The following IFT140 variants were observed in gnomAD, a reference collection of about 807,000 sequenced individuals.
IFT140 encodes intraflagellar transport 140, also known as intraflagellar transport protein 140 homolog.
A neutral mutation model predicts 164.6 loss-of-function variants in IFT140; 133 were observed. The observed-to-expected ratio is 0.81, with a 90% CI of 0.70 to 0.93. The LOEUF is 0.93. Ranked by LOEUF, IFT140 falls within the 40% of genes least tolerant of loss-of-function variation. The pLI is 0.00. For missense variants in IFT140, 2,045 were observed against 1,972.3 expected, an observed-to-expected ratio of 1.04 and a Z score of -0.70; for synonymous variants, 860 against 817.3, an observed-to-expected ratio of 1.05 and a Z score of -0.89.
At chr16:1,602,672 C>T (rs190249206) in intron 3 of IFT140, 81 bp from the exon 4 acceptor site, 9 of 1,305,642 alleles carry the variant, frequency 6.9e-6, no homozygotes, top group South Asian at 3.7e-5. Flanking sequence ...CCGGGCACGG[C>T]GGCTCACTCC....
intron 12 of IFT140, among the ~76,000 whole-genome samples, chr16:1,582,657 A>G (rs2034634441): frequency 6.6e-6 from 1 of 152,222 alleles, no homozygotes; most frequent in Non-Finnish European, 1.5e-5. Context: ...TAATCACACC[A>G]CTTTGGGAGG....
chr16:1,541,795 T>C, intron 19 of IFT140: 1 of 1,180,348 alleles, frequency 8.5e-7, no homozygotes, highest in Non-Finnish European at 1.2e-6. Context: ...CACTGCCCAA[T>C]GGAGGCACAG....
Position 1,556,148 on chromosome 16 carries a change from C to T in IFT140, c.2399+1787G>A, listed in dbSNP as rs140197155. On this transcript the variant is annotated intron_variant, in intron 19 of 30. Transcript: ENST00000426508. ...CAAAAAACCTTCAGCCTATCTTTAG[C>T]GAAATGCTTGGTGGGCTACAAAATT... Among the ~76,000 whole-genome samples the T allele has an allele frequency of 5.2e-3, 792 of 152,308 alleles. 12 individuals are homozygous for T. Among genetic ancestry groups the T allele is most frequent in the African/African-American group, 0.017 (716 of 41,568 alleles).
Position 1,602,584 on chromosome 16 carries a change from C to A in IFT140, c.155G>T (p.Cys52Phe). 6.2e-7 allele frequency: 1 copy of A among 1,611,556 alleles called. No homozygotes were observed. Among genetic ancestry groups the A allele is most frequent in the Non-Finnish European group, 8.5e-7 (1 of 1,180,004 alleles). Residue 52 changes from cysteine to phenylalanine, a missense_variant, in exon 4 of 31, where the codon TGC becomes TTC. Coordinates refer to ENST00000426508, the MANE Select transcript of IFT140 (RefSeq NM_014714.4). ...SVDIYLEQGE[C>F]VPDTHVERPF... Reference sequence around the variant, plus strand: ...CCTCTCGACGTGTGTATCTGGCACGCACTCCCCCTGCATTGGATGAGAGGC... The same window carrying A: ...CCTCTCGACGTGTGTATCTGGCACGAACTCCCCCTGCATTGGATGAGAGGC...
chr16:1,542,574 G>T (rs377734851), intron 19 of IFT140, among the ~76,000 whole-genome samples: 2 of 152,228 alleles, frequency 1.3e-5, no homozygotes, highest in Non-Finnish European at 2.9e-5. Context: ...TGTTATAAAC[G>T]CAGCTTCCTA....
rs1379020470 is a variant in IFT140 at position 1,520,751 on chromosome 16, C to T, written c.3511G>A (p.Ala1171Thr). 2 of 1,609,878 alleles carry T rather than the reference C, an allele frequency of 1.2e-6. No homozygotes were observed. The highest frequency in any genetic ancestry group is 1.6e-4 in the Middle Eastern group (1 of 6,062). ...TCCTTGGCCACGGTCATCTTTTCCG[C>T]CATCTCCTCGGTGATGCTCATGTTC... is the stretch of plus-strand genomic sequence containing the variant. ...GQNMSITEEM[A>T]EKMTVAKDSS... The change falls in exon 27 of 31, where the codon GCG becomes ACG. Residue 1171 changes from alanine (A) to threonine (T), a missense_variant. Transcript: ENST00000426508.
intron 14 of IFT140, among the ~76,000 whole-genome samples, chr16:1,570,721 G>A (rs1404014061): frequency 6.6e-6 from 1 of 152,192 alleles, no homozygotes; most frequent in African/African-American, 2.4e-5. Context: ...AGACTGTTTT[G>A]TTACCTTCTG....
intron 11 of IFT140, 81 bp downstream of exon 11, chr16:1,584,136 G>A: frequency 8.0e-7 from 1 of 1,250,180 alleles, no homozygotes; most frequent in South Asian, 1.3e-5. Flanking sequence ...CTGCCATCTG[G>A]GGCCCTTGCT....
chr16:1,518,302 C>T lies in IFT140; in HGVS notation c.4096G>A (p.Glu1366Lys), dbSNP rs2040423597. 1.2e-6 allele frequency: 2 copies of T among 1,613,994 alleles called. No individual in the cohort carries two copies. Among genetic ancestry groups the T allele is most frequent in the African/African-American group, 2.7e-5 (2 of 74,916 alleles). The change falls in exon 30 of 31, where the codon GAA becomes AAA. Residue 1366 changes from glutamate to lysine, a missense_variant. Transcript: ENST00000426508. ...CGGATGGTGCTGTCCAGGTCTGGTT[C>T]CTCCAGGAGCAGCTCACACTGCTTG... ...SIKQCELLLEEPDLDSTIRIG... is the reference protein window; with the variant it reads ...SIKQCELLLEKPDLDSTIRIG...
intron 13 of IFT140, 30 bp from the exon 14 acceptor site, chr16:1,571,564 T>A (rs749168339): frequency 4.0e-5 from 64 of 1,599,928 alleles, no homozygotes; most frequent in Non-Finnish European, 5.2e-5. Context: ...AATGGATATA[T>A]TTCATGTTAG....
chr16:1,566,201 G>A lies in IFT140; in HGVS notation c.1861C>T (p.Arg621Trp), dbSNP rs146480546. ...TCATTAAAGGACAGCGTCTCTCTCC[G>A]ATCAATTTGTCCAGTCTTGAAGTCA... is the stretch of plus-strand genomic sequence containing the variant. ...VFDFKTGQIDRRETLSFNEQE... is the reference protein window; with the variant it reads ...VFDFKTGQIDWRETLSFNEQE... The change falls in exon 16 of 31, where the codon CGG (arginine) becomes TGG (tryptophan). Residue 621 changes from arginine to tryptophan, a missense_variant. Coordinates refer to ENST00000426508, the MANE Select transcript of IFT140 (RefSeq NM_014714.4). 281 of 1,613,648 alleles carry A rather than the reference G, an allele frequency of 1.7e-4. 1 individual carries two copies. The highest frequency in any genetic ancestry group is 3.5e-4 in the Admixed American group (21 of 60,020).
At chr16:1,587,809 G>A (rs939935312) in intron 8 of IFT140, 124 bp downstream of exon 8, 1 of 747,140 alleles carries the variant, frequency 1.3e-6, no homozygotes, top group South Asian at 1.8e-5. Flanking sequence ...GGTACGTCCA[G>A]TATGAGAGCA....
chr16:1,586,199 C>T lies in IFT140; in HGVS notation c.1086G>A (p.Gly362=), dbSNP rs1235527983. 5 of 1,614,000 alleles carry T rather than the reference C, an allele frequency of 3.1e-6. 1 individual carries two copies. The South Asian group carries it at 5.5e-5, about 18-fold the overall frequency. ...RKVPDFLGSP[G]AEGKDRWALQ... The stretch of plus-strand genomic sequence containing the variant: ...GGGCCCACCTGTCCTTGCCCTCTGC[C>T]CCGGGGCTGCCCAGGAAGTCTGGTA... The change falls in exon 10 of 31, where the codon GGG becomes GGA. Residue 362 remains glycine, a synonymous_variant. Transcript: ENST00000426508.
chr16:1,572,547 G>A (rs1366199537), intron 13 of IFT140, among the ~76,000 whole-genome samples: 1 of 152,218 alleles, frequency 6.6e-6, no homozygotes, highest in East Asian at 1.9e-4. Context: ...TCGGGAGGCT[G>A]AGGCAGGAGA....
chr16:1,529,219 CA>C (rs1233550694), intron 19 of IFT140, among the ~76,000 whole-genome samples: 1 of 152,234 alleles, frequency 6.6e-6, no homozygotes, highest in Non-Finnish European at 1.5e-5. Flanking sequence ...GTCTTAGCAG[CA>C]ACCAACCTGG....
At chr16:1,575,200 A>G (rs1041818046) in intron 13 of IFT140, among the ~76,000 whole-genome samples, 2 of 151,324 alleles carry the variant, frequency 1.3e-5, no homozygotes, top group African/African-American at 4.9e-5. Context: ...CATGTCTACA[A>G]AAATATAATA....
chr16:1,591,571 G>A lies in IFT140; in HGVS notation c.634+605C>T, dbSNP rs13331332. 4.7e-4 allele frequency among the ~76,000 whole-genome samples: 71 copies of A among 152,204 alleles called. 1 individual carries two copies. The highest frequency in any genetic ancestry group is 1.4e-3 in the African/African-American group (60 of 41,524). ...GCCACGCCAGCAACCCACACACCTG[G>A]GCTAGTGTCACATGGCTGTAAGAGA... On this transcript the variant is annotated intron_variant, in intron 6 of 30. Transcript: ENST00000426508.
chr16:1,600,632 AG>A (rs1161623068), intron 4 of IFT140, among the ~76,000 whole-genome samples: 2 of 152,208 alleles, frequency 1.3e-5, no homozygotes, highest in Admixed American at 1.3e-4. Context: ...AAAGAAAACA[AG>A]GAAGTTTACT....
At chr16:1,567,136 G>A (rs1385696558) in intron 15 of IFT140, among the ~76,000 whole-genome samples, 2 of 152,084 alleles carry the variant, frequency 1.3e-5, no homozygotes, top group African/African-American at 2.4e-5. Context: ...GCCCTGTCCT[G>A]CCCTACCCCT....
Sources: gnomAD v4.1 joint callset for allele counts (sites outside exome capture counted in the v4.1 genomes callset) on GRCh38, gnomAD v4.1.1 for gene constraint, MANE v1.5 for transcripts, NCBI Gene and HGNC (gene_info 2026-07-23, HGNC 2026-07-21) for gene names.